CNNM2: variants seen among roughly 807,000 people sequenced by gnomAD.
CNNM2 encodes metal transporter CNNM2.
Under a neutral mutation model 66.9 loss-of-function variants are expected in CNNM2, and 12 were observed. That is an observed-to-expected ratio of 0.18 (90% CI 0.11 to 0.29). The LOEUF is 0.29. Ranked by LOEUF, CNNM2 falls within the 10% of genes least tolerant of loss-of-function variation. The pLI, the probability that CNNM2 is intolerant of heterozygous loss-of-function variation, is 1.00. For synonymous variants in CNNM2, 557 were observed against 501.8 expected (o/e 1.11, Z -1.47); for missense variants, 705 against 1,167.7 (o/e 0.60, Z 5.77).
intron 1 of CNNM2, among the ~76,000 whole-genome samples, chr10:103,006,729 C>T (rs772280899): frequency 5.3e-5 from 8 of 152,224 alleles, no homozygotes; most frequent in Non-Finnish European, 1.0e-4. Flanking sequence ...CTAGCTCAAG[C>T]GGTCCTCCTA....
chr10:103,057,006 T>A (rs1311879267), intron 4 of CNNM2, 42 bp downstream of exon 4: 2 of 1,574,006 alleles, frequency 1.3e-6, no homozygotes, highest in Admixed American at 1.8e-5. Context: ...TCACTGAGTA[T>A]CCATCTTTCA....
chr10:102,945,168 C>T (rs990609936), intron 1 of CNNM2, among the ~76,000 whole-genome samples: 1 of 152,120 alleles, frequency 6.6e-6, no homozygotes, highest in Non-Finnish European at 1.5e-5. Context: ...CTTTGTCCAT[C>T]CTTGTCTATA....
chr10:102,974,483 G>T (rs756807105), intron 1 of CNNM2, among the ~76,000 whole-genome samples: 1 of 152,154 alleles, frequency 6.6e-6, no homozygotes, highest in Non-Finnish European at 1.5e-5. Flanking sequence ...ATGTGAGTCC[G>T]TAGTGAGATG....
intron 1 of CNNM2, among the ~76,000 whole-genome samples, chr10:103,031,198 A>T (rs1009216627): frequency 6.6e-6 from 1 of 152,186 alleles, no homozygotes; most frequent in African/African-American, 2.4e-5. Flanking sequence ...CAAGTTTTAC[A>T]TGTTTATGTG....
At chr10:102,957,931 G>A (rs1490565844) in intron 1 of CNNM2, among the ~76,000 whole-genome samples, 3 of 151,986 alleles carry the variant, frequency 2.0e-5, no homozygotes. Context: ...TATTTCAGAA[G>A]CTCTACTTTT....
intron 1 of CNNM2, among the ~76,000 whole-genome samples, chr10:102,943,041 A>G (rs1846483184): frequency 6.6e-6 from 1 of 152,152 alleles, no homozygotes; most frequent in Admixed American, 6.5e-5. Flanking sequence ...CCTGGCCAAC[A>G]TAGTGAAACC....
intron 1 of CNNM2, among the ~76,000 whole-genome samples, chr10:102,936,149 G>A (rs1590274491): frequency 1.3e-5 from 2 of 152,108 alleles, no homozygotes; most frequent in African/African-American, 4.8e-5. Flanking sequence ...TTGCCCATCT[G>A]CAATCATAGA....
chr10:103,062,200 A>G (rs2065398002), intron 4 of CNNM2, among the ~76,000 whole-genome samples: 1 of 152,022 alleles, frequency 6.6e-6, no homozygotes, highest in Non-Finnish European at 1.5e-5. Flanking sequence ...GCCCATCCAC[A>G]CTCTTTTTTA....
chr10:103,009,386 A>T (rs949008733), intron 1 of CNNM2, among the ~76,000 whole-genome samples: 1 of 152,106 alleles, frequency 6.6e-6, no homozygotes, highest in Non-Finnish European at 1.5e-5. Flanking sequence ...AACCAGAAAA[A>T]TTTTGCTCAA....
chr10:103,071,908 G>T, intron 6 of CNNM2, 69 bp downstream of exon 6: 1 of 1,369,606 alleles, frequency 7.3e-7, no homozygotes, highest in Non-Finnish European at 1.0e-6. Flanking sequence ...CGCCTGGCTG[G>T]CTGGGTCTGC....
chr10:102,984,346 A>C (rs2134234231), intron 1 of CNNM2, among the ~76,000 whole-genome samples: 1 of 152,322 alleles, frequency 6.6e-6, no homozygotes, highest in East Asian at 1.9e-4. Flanking sequence ...TGACATGTAG[A>C]ATAGCCAAGG....
intron 1 of CNNM2, among the ~76,000 whole-genome samples, chr10:103,018,732 C>T (rs2064506270): frequency 7.4e-6 from 1 of 134,284 alleles, no homozygotes. Context: ...CTCTTGCACT[C>T]ACTGCAACCT....
intron 1 of CNNM2, among the ~76,000 whole-genome samples, chr10:102,939,070 C>T (rs1409045527): frequency 6.6e-6 from 1 of 152,174 alleles, no homozygotes; most frequent in Non-Finnish European, 1.5e-5. Flanking sequence ...CTCCCAAAGC[C>T]ACTTACCAAA....
At chr10:102,982,644 C>A (rs907261252) in intron 1 of CNNM2, among the ~76,000 whole-genome samples, 1 of 152,072 alleles carries the variant, frequency 6.6e-6, no homozygotes, top group African/African-American at 2.4e-5. Context: ...TAGGGCTTTC[C>A]GATATAAGTA....
At chr10:103,030,662 C>A (rs548697152) in intron 1 of CNNM2, among the ~76,000 whole-genome samples, 2 of 152,262 alleles carry the variant, frequency 1.3e-5, no homozygotes, top group East Asian at 3.9e-4. Context: ...GAGCTGAGAT[C>A]ATGCCACTGC....
At position 102,918,404 on chromosome 10, in the gene CNNM2, A is replaced by C; in HGVS notation, c.-77A>C. On this transcript the variant is annotated 5_prime_UTR_variant, in exon 1 of 8. Coordinates refer to ENST00000369878, the MANE Select transcript of CNNM2 (RefSeq NM_017649.5). This position sits in a 1 kb window ranked among gnomAD's most constrained non-coding sequence, Gnocchi z 4.1. ...GCACTGGCCGCGGACGCTCCGTTGC[A>C]GTCTCGCCCAGGGGCCGGTACCTGC... is the stretch of plus-strand genomic sequence containing the variant. 1 of 1,544,678 alleles carries C rather than the reference A, an allele frequency of 6.5e-7. No individual in the cohort carries two copies. The highest frequency in any genetic ancestry group is 8.7e-7 in the Non-Finnish European group (1 of 1,152,588).
intron 1 of CNNM2, among the ~76,000 whole-genome samples, chr10:102,962,058 A>G (rs1018328277): frequency 3.9e-5 from 6 of 152,166 alleles, no homozygotes; most frequent in Admixed American, 3.9e-4. Context: ...GCAAGATACC[A>G]GCTTTTGTGT....
chr10:103,049,978 C>T, intron 2 of CNNM2, 128 bp downstream of exon 2: 1 of 832,644 alleles, frequency 1.2e-6, no homozygotes. Context: ...GTAGGCCGTG[C>T]ACAACCTGTT....
intron 1 of CNNM2, among the ~76,000 whole-genome samples, chr10:103,028,515 C>T (rs2064751866): frequency 6.6e-6 from 1 of 152,104 alleles, no homozygotes; most frequent in Non-Finnish European, 1.5e-5. Context: ...TCTATTGTAA[C>T]CTTTCTAGAA....
Sources: gnomAD v4.1 joint callset for allele counts (sites outside exome capture counted in the v4.1 genomes callset) on GRCh38, gnomAD v4.1.1 for gene constraint, Gnocchi (gnomAD v3.1) non-coding constraint, MANE v1.5 for transcripts, NCBI Gene and HGNC (gene_info 2026-07-23, HGNC 2026-07-21) for gene names.